Variants in GTF2IRD1 observed in about 807,000 individuals in gnomAD.
GTF2IRD1 encodes the protein GTF2I repeat domain containing 1.
A neutral mutation model predicts 113.2 loss-of-function variants in GTF2IRD1; 26 were observed. The ratio of observed to expected loss-of-function variants is 0.23; its 90% confidence interval spans 0.17 to 0.32. GTF2IRD1 has a LOEUF of 0.32. GTF2IRD1 is among the 10% of genes least tolerant of loss of function. The probability of loss-of-function intolerance (pLI) is 1.00; values close to 1 mark genes in which losing one functional copy is unlikely to be tolerated. For missense variants in GTF2IRD1, 864 were observed against 1,280.8 expected (o/e 0.67, Z 4.97); for synonymous variants, 484 against 529.1 (o/e 0.91, Z 1.17).
At chr7:74,553,729 G>A (rs1439276435) in intron 17 of GTF2IRD1, among the ~76,000 whole-genome samples, 3 of 152,132 alleles carry the variant, frequency 2.0e-5, no homozygotes, top group African/African-American at 4.8e-5. Flanking sequence ...CTTGGCAGCC[G>A]GCTGTGCTAT....
chr7:74,535,888 A>G (rs900725126), intron 10 of GTF2IRD1, among the ~76,000 whole-genome samples: 28 of 152,146 alleles, frequency 1.8e-4, no homozygotes, highest in African/African-American at 6.8e-4. Flanking sequence ...GGGCAGGAGA[A>G]CCATCTCTGG....
Position 74,471,794 on chromosome 7 carries a change from C to A in GTF2IRD1, c.-7+17618C>A, listed in dbSNP as rs545899958. 1.7e-3 allele frequency among the ~76,000 whole-genome samples: 252 copies of A among 151,174 alleles called. 1 individual carries two copies. Among genetic ancestry groups the A allele is most frequent in the Non-Finnish European group, 2.9e-3 (195 of 67,938 alleles). On this transcript the variant is annotated intron_variant, in intron 1 of 26. Transcript: ENST00000424337. ...AGATCATGAGGTCAGGAGATTGAGA[C>A]CATCCTGGCCAATGTGGTGAAACTC...
At chr7:74,464,825 A>C (rs1450479309) in intron 1 of GTF2IRD1, among the ~76,000 whole-genome samples, 3 of 152,132 alleles carry the variant, frequency 2.0e-5, no homozygotes, top group African/African-American at 7.2e-5. Context: ...GGTTGCCCCA[A>C]GTACCTTTCC....
chr7:74,509,262 C>T (rs2130042938), intron 2 of GTF2IRD1, among the ~76,000 whole-genome samples: 1 of 152,128 alleles, frequency 6.6e-6, no homozygotes, highest in South Asian at 2.1e-4. Flanking sequence ...GAGGCTGAGG[C>T]AGGAGAATCA....
chr7:74,473,951 CAGT>C (rs1431372853), intron 1 of GTF2IRD1, among the ~76,000 whole-genome samples: 13 of 151,206 alleles, frequency 8.6e-5, no homozygotes, highest in Non-Finnish European at 1.6e-4. Flanking sequence ...AGGCTGGGCG[CAGT>C]GGCTCACACC....
chr7:74,539,541 A>T (rs1402504989), intron 13 of GTF2IRD1, among the ~76,000 whole-genome samples: 1 of 152,054 alleles, frequency 6.6e-6, no homozygotes, highest in African/African-American at 2.4e-5. Flanking sequence ...GTCAGGAGTT[A>T]GAGACCAGCC....
chr7:74,521,491 G>T lies in GTF2IRD1; in HGVS notation c.1006+194G>T, dbSNP rs587670564. Among the ~76,000 whole-genome samples the T allele has an allele frequency of 2.6e-5, 4 of 152,310 alleles. No homozygotes were observed. The East Asian group carries it at 7.7e-4, about 29-fold the overall frequency. Reference sequence around the variant, plus strand: ...GATAAACTACCCCAAACTAGGCATGGTGTCTCATGCCTGTAATCCCAGCAC... The same window carrying T: ...GATAAACTACCCCAAACTAGGCATGTTGTCTCATGCCTGTAATCCCAGCAC... On this transcript the variant is annotated intron_variant, in intron 7 of 26. Coordinates refer to ENST00000424337, the MANE Select transcript of GTF2IRD1 (RefSeq NM_005685.4).
At chr7:74,496,568 G>GTGGGTGTGCA (rs1554338073) in intron 1 of GTF2IRD1, among the ~76,000 whole-genome samples, 1 of 134,490 alleles carries the variant, frequency 7.4e-6, no homozygotes, top group Non-Finnish European at 1.6e-5. Flanking sequence ...GGGTGTACAT[G>GTGGGTGTGCA]TGTGGGTGTG....
chr7:74,543,762 G>A (rs1424952521), intron 14 of GTF2IRD1, among the ~76,000 whole-genome samples: 6 of 151,084 alleles, frequency 4.0e-5, no homozygotes, highest in African/African-American at 7.3e-5. Flanking sequence ...GTAGCCAGCC[G>A]TGGTGGTACA....
rs141372521 is a variant in GTF2IRD1 at position 74,514,827 on chromosome 7, G to C, written c.266-614G>C. Among the ~76,000 whole-genome samples, 434 of 152,008 alleles carry C rather than the reference G, an allele frequency of 2.9e-3. 3 individuals carry two copies. Among genetic ancestry groups the C allele is most frequent in the African/African-American group, 9.8e-3 (405 of 41,480 alleles). ...GGGCCGGGCATGGTAGCTCACACCT[G>C]TAATCCCAGCACTTTGGTCAGGAGT... On this transcript the variant is annotated intron_variant, in intron 3 of 26. Transcript: ENST00000424337.
chr7:74,502,446 C>T (rs887295547), intron 1 of GTF2IRD1, among the ~76,000 whole-genome samples: 2 of 152,222 alleles, frequency 1.3e-5, no homozygotes, highest in African/African-American at 2.4e-5. Flanking sequence ...TTAGCTCACT[C>T]TCTGCTAGCC....
intron 8 of GTF2IRD1, among the ~76,000 whole-genome samples, chr7:74,525,097 ATC>A (rs2090702120): frequency 6.6e-6 from 1 of 151,866 alleles, no homozygotes. Context: ...GCCCAGAAAA[ATC>A]TCTGTTGGCC....
chr7:74,528,836 TGG>T lies in GTF2IRD1; in HGVS notation c.1091-897_1091-896del. 2.1e-5 allele frequency among the ~76,000 whole-genome samples: 3 copies of T among 144,118 alleles called. No individual in the cohort carries two copies. The East Asian group carries it at 6.2e-4, about 30-fold the overall frequency. The allele number at this position is 144,118 out of a possible 152,430, so 94.5% of individuals were successfully genotyped here. A position where few individuals can be genotyped will look rare whatever the true frequency, so the allele number is the denominator to read the frequency against. ...ATGGATGGATGGATGGATGGATGGA[TGG>T]ATGGATGAAAGGATGGATGGATGAA... On this transcript the variant is annotated intron_variant, in intron 8 of 26. Transcript: ENST00000424337.
intron 22 of GTF2IRD1, among the ~76,000 whole-genome samples, chr7:74,573,002 C>G (rs1400392165): frequency 3.9e-5 from 6 of 152,048 alleles, no homozygotes; most frequent in African/African-American, 9.7e-5. Context: ...TTGGGGAGAC[C>G]CTGCCCTTTT....
At chr7:74,564,215 C>G (rs1554359956) in intron 22 of GTF2IRD1, among the ~76,000 whole-genome samples, 1 of 152,050 alleles carries the variant, frequency 6.6e-6, no homozygotes, top group Non-Finnish European at 1.5e-5. Flanking sequence ...TGAGTAGAGA[C>G]GGGGTTTCAC....
intron 11 of GTF2IRD1, among the ~76,000 whole-genome samples, chr7:74,536,637 C>T (rs1248476585): frequency 1.3e-5 from 2 of 150,350 alleles, no homozygotes; most frequent in African/African-American, 4.9e-5. Context: ...GTGAAACTCC[C>T]ATCTCTACTA....
intron 9 of GTF2IRD1, among the ~76,000 whole-genome samples, chr7:74,533,898 G>A (rs1462874609): frequency 6.6e-5 from 10 of 152,026 alleles, no homozygotes; most frequent in African/African-American, 1.2e-4. Context: ...CATTGGTGGC[G>A]CATGCCTATA....
chr7:74,556,189 T>C lies in GTF2IRD1; in HGVS notation c.2023+695T>C, dbSNP rs113271837. ...ATCGCTTGAACCTGGGAGGCGGAGATTGCAGTGAGCCGAGATCATGCCACT... is the reference window on the plus strand; with the variant it reads ...ATCGCTTGAACCTGGGAGGCGGAGACTGCAGTGAGCCGAGATCATGCCACT... On this transcript the variant is annotated intron_variant, in intron 19 of 26. Transcript: ENST00000424337. 2.6e-4 allele frequency among the ~76,000 whole-genome samples: 39 copies of C among 150,210 alleles called. 1 individual carries two copies. The highest frequency in any genetic ancestry group is 8.5e-4 in the African/African-American group (35 of 40,938).
intron 1 of GTF2IRD1, among the ~76,000 whole-genome samples, chr7:74,498,036 G>A (rs1795827632): frequency 6.6e-6 from 1 of 151,250 alleles, no homozygotes; most frequent in Non-Finnish European, 1.5e-5. Context: ...TATCCTGGTG[G>A]GTGTGAGGTG....
Sources: allele counts gnomAD v4.1 joint callset (sites outside exome capture counted in the v4.1 genomes callset), GRCh38; gene constraint gnomAD v4.1.1; transcripts MANE v1.5; gene names NCBI Gene and HGNC (gene_info 2026-07-23, HGNC 2026-07-21).